The following GRIK2 variants were observed in gnomAD, a reference collection of about 807,000 sequenced individuals.
GRIK2 encodes glutamate ionotropic receptor kainate type subunit 2.
Under a neutral mutation model 100.3 loss-of-function variants are expected in GRIK2, and 32 were observed. The ratio of observed to expected loss-of-function variants is 0.32; its 90% CI spans 0.24 to 0.43. The LOEUF is 0.43. GRIK2 is among the 20% of genes least tolerant of loss of function. The pLI is 1.00. For synonymous variants in GRIK2, 417 were observed against 389.4 expected, an observed-to-expected ratio of 1.07 and a Z score of -0.83; for missense variants, 843 against 1,114.9, an observed-to-expected ratio of 0.76 and a Z score of 3.47.
At chr6:102,036,468 T>G (rs1770279209) in intron 15 of GRIK2, among the ~76,000 whole-genome samples, 1 of 151,322 alleles carries the variant, frequency 6.6e-6, no homozygotes, top group South Asian at 2.1e-4. Context: ...ATGGGGAGAT[T>G]TTCCTGGATT....
At chr6:101,671,957 A>AGCT (rs1770470469) in intron 4 of GRIK2, among the ~76,000 whole-genome samples, 1 of 152,138 alleles carries the variant, frequency 6.6e-6, no homozygotes, top group Non-Finnish European at 1.5e-5. Flanking sequence ...CCACTTCGAG[A>AGCT]GCTGCTGATC....
intron 7 of GRIK2, among the ~76,000 whole-genome samples, chr6:101,724,400 G>A (rs182361743): frequency 4.0e-5 from 6 of 151,814 alleles, no homozygotes; most frequent in African/African-American, 9.7e-5. Flanking sequence ...TTATGCCCAC[G>A]TGTACCCAAT....
At chr6:101,728,524 A>T (rs776535449) in intron 7 of GRIK2, among the ~76,000 whole-genome samples, 12 of 152,102 alleles carry the variant, frequency 7.9e-5, no homozygotes, top group Non-Finnish European at 1.8e-4. Flanking sequence ...TTAACTTAAT[A>T]GAGTGGTTGA....
intron 7 of GRIK2, among the ~76,000 whole-genome samples, chr6:101,759,850 A>T (rs558101593): frequency 2.1e-3 from 285 of 138,572 alleles, no homozygotes; most frequent in African/African-American, 7.4e-3. Flanking sequence ...GCAGCATTTT[A>T]TTTTTTTTAT....
chr6:101,645,456 AG>A (rs2128326182), intron 4 of GRIK2, among the ~76,000 whole-genome samples: 1 of 152,002 alleles, frequency 6.6e-6, no homozygotes, highest in African/African-American at 2.4e-5. Context: ...ATATGAGACA[AG>A]GTATATAAAA....
chr6:101,455,762 A>C (rs527277822), intron 2 of GRIK2, among the ~76,000 whole-genome samples: 3 of 152,250 alleles, frequency 2.0e-5, no homozygotes, highest in African/African-American at 7.2e-5. Flanking sequence ...GTCTCTATTT[A>C]AATATGTTAC....
intron 2 of GRIK2, among the ~76,000 whole-genome samples, chr6:101,486,395 G>GA (rs947354836): frequency 2.9e-5 from 4 of 137,670 alleles, no homozygotes; most frequent in Non-Finnish European, 6.3e-5. Context: ...GTGGGGCGGG[G>GA]GGGGGAAGCT....
intron 4 of GRIK2, among the ~76,000 whole-genome samples, chr6:101,627,529 C>T (rs1456222775): frequency 6.6e-6 from 1 of 152,158 alleles, no homozygotes; most frequent in Non-Finnish European, 1.5e-5. Flanking sequence ...GTCAGTGAAA[C>T]TTGCCAAGAA....
chr6:101,797,315 T>C (rs1456106089), intron 7 of GRIK2, among the ~76,000 whole-genome samples: 1 of 152,026 alleles, frequency 6.6e-6, no homozygotes, highest in Non-Finnish European at 1.5e-5. Flanking sequence ...TATTGTGTTT[T>C]CTTGTTTTTG....
intron 2 of GRIK2, among the ~76,000 whole-genome samples, chr6:101,406,708 A>G (rs957751282): frequency 6.6e-6 from 1 of 152,152 alleles, no homozygotes; most frequent in Non-Finnish European, 1.5e-5. Context: ...AGGCTGAGAA[A>G]AGAGAGAAGT....
chr6:101,726,903 T>C (rs1774908448), intron 7 of GRIK2, among the ~76,000 whole-genome samples: 2 of 151,910 alleles, frequency 1.3e-5, no homozygotes, highest in Non-Finnish European at 2.9e-5. Context: ...GACAAAGTGA[T>C]ACTATATTCT....
At chr6:101,466,568 G>A (rs56963854) in intron 2 of GRIK2, among the ~76,000 whole-genome samples, 6,081 of 150,628 alleles carry the variant, frequency 0.04, 434 homozygotes, top group African/African-American at 0.14. Flanking sequence ...AACAAAGCTG[G>A]CACTCTTTAA....
intron 3 of GRIK2, among the ~76,000 whole-genome samples, chr6:101,625,932 T>C (rs1224557914): frequency 1.3e-5 from 2 of 152,134 alleles, no homozygotes; most frequent in African/African-American, 4.8e-5. Context: ...GAAATGTTCA[T>C]CTGTGTGTGA....
At chr6:101,764,494 G>A (rs1192124742) in intron 7 of GRIK2, among the ~76,000 whole-genome samples, 1 of 152,038 alleles carries the variant, frequency 6.6e-6, no homozygotes, top group East Asian at 1.9e-4. Context: ...CTGAAGAAAA[G>A]CAAGGTGAGA....
At chr6:101,812,150 CATG>C (rs1452665316) in intron 9 of GRIK2, among the ~76,000 whole-genome samples, 1 of 151,220 alleles carries the variant, frequency 6.6e-6, no homozygotes, top group African/African-American at 2.4e-5. Flanking sequence ...ACACAAAAAA[CATG>C]AAGATAAAAT....
At chr6:101,796,892 C>G (rs1344848450) in intron 7 of GRIK2, among the ~76,000 whole-genome samples, 1 of 152,046 alleles carries the variant, frequency 6.6e-6, no homozygotes, top group Non-Finnish European at 1.5e-5. Flanking sequence ...TATAATTGTA[C>G]TTAAAATAAC....
chr6:101,916,814 T>G (rs574349127), intron 12 of GRIK2, among the ~76,000 whole-genome samples: 6 of 151,764 alleles, frequency 4.0e-5, no homozygotes, highest in Non-Finnish European at 7.4e-5. Context: ...GATGTTATTA[T>G]TCATTATATG....
intron 16 of GRIK2, among the ~76,000 whole-genome samples, chr6:102,064,413 C>T (rs867479082): frequency 1.3e-4 from 19 of 141,132 alleles, no homozygotes; most frequent in Admixed American, 5.2e-4. Flanking sequence ...CTCCCTCCCT[C>T]CTTTCTTTCT....
intron 2 of GRIK2, among the ~76,000 whole-genome samples, chr6:101,401,094 A>AT (rs1775281471): frequency 6.6e-6 from 1 of 152,142 alleles, no homozygotes; most frequent in African/African-American, 2.4e-5. Flanking sequence ...TATTTCGAGT[A>AT]TTTCATCCTA....
Sources: gnomAD v4.1 joint callset for allele counts (sites outside exome capture counted in the v4.1 genomes callset) on GRCh38, gnomAD v4.1.1 for gene constraint, MANE v1.5 for transcripts, NCBI Gene and HGNC (gene_info 2026-07-23, HGNC 2026-07-21) for gene names.